The following INTS11 variants were observed in gnomAD, a reference collection of about 807,000 sequenced individuals.
INTS11 encodes the protein CPSF3-like protein.
Under a neutral mutation model 78.6 loss-of-function variants are expected in INTS11, and 77 were observed. The ratio of observed to expected loss-of-function variants is 0.98; its 90% confidence interval spans 0.81 to 1.18. The LOEUF (loss-of-function observed/expected upper bound fraction) is 1.18. Among genes scored for constraint, INTS11 ranks in the 50% most tolerant of loss-of-function variants. The probability of loss-of-function intolerance (pLI) is 0.00; values close to 1 mark genes in which losing one functional copy is unlikely to be tolerated. For missense variants in INTS11, 875 were observed against 825.9 expected (o/e 1.06, Z -0.73); for synonymous variants, 441 against 326.9 (o/e 1.35, Z -3.77).
In INTS11 at chr1:1,323,757, T is replaced by C. The variant is rs551280055; in HGVS notation, c.28+824A>G. ...ATATTTGCGTTTTTTGCTATTTTTT[T>C]CAGTGTTGCAGAAATCAGGTAGAAC... On this transcript the variant is annotated intron_variant, in intron 1 of 16. Transcript: ENST00000435064. Among the ~76,000 whole-genome samples the C allele has an allele frequency of 3.0e-3, 448 of 147,948 alleles. 2 individuals carry two copies. Among genetic ancestry groups the C allele is most frequent in the Non-Finnish European group, 3.7e-3 (246 of 67,222 alleles).
rs772997141 is a variant in INTS11 at position 1,313,633 on chromosome 1, G to T, written c.958-41C>A. The stretch of plus-strand genomic sequence containing the variant: ...GGCCAGGTGGGGGGTCAGGGCAGCA[G>T]ATGCCCCCACCCCCACTGCAGGCCC... On this transcript the variant is annotated intron_variant, in intron 9 of 16. Transcript: ENST00000435064. 10 of 1,611,738 alleles carry T rather than the reference G, an allele frequency of 6.2e-6. No homozygotes were observed. In the South Asian group the frequency reaches 7.7e-5, roughly 12 times the overall value.
Position 1,321,079 on chromosome 1 carries a change from C to A in INTS11, c.43G>T (p.Val15Leu). The A allele has an allele frequency of 2.5e-6, 4 of 1,611,318 alleles. No homozygotes were observed. Among genetic ancestry groups the A allele is most frequent in the Non-Finnish European group, 3.4e-6 (4 of 1,178,760 alleles). The change falls in exon 2 of 17, where the codon GTG becomes TTG. Residue 15 changes from valine to leucine, a missense_variant. Physicochemically the swap from Val to Leu is conservative, Grantham distance 32. Coordinates refer to ENST00000435064, the MANE Select transcript of INTS11 (RefSeq NM_017871.6). Reference sequence around the variant, plus strand: ...GAGACCAGGATGCAGCTTCGGCCCACGTCCTGGCCGGCCCCTACTCGAGGG... The same window carrying A: ...GAGACCAGGATGCAGCTTCGGCCCAAGTCCTGGCCGGCCCCTACTCGAGGG... ...RVTPLGAGQDVGRSCILVSIA... is the reference protein window; with the variant it reads ...RVTPLGAGQDLGRSCILVSIA...
At chr1:1,316,112 T>A in intron 4 of INTS11, 2 of 196,422 alleles carry the variant, frequency 1.0e-5, no homozygotes, top group Non-Finnish European at 2.1e-5. Context: ...TGAAACCCCG[T>A]CTCTACTAAA....
Position 1,319,368 on chromosome 1 carries a change from G to A in INTS11, c.357C>T (p.Asn119=). 6.2e-7 allele frequency: 1 copy of A among 1,613,428 alleles called. No individual in the cohort carries two copies. Residue 119 remains asparagine (N), a synonymous_variant, in exon 4 of 17, where the codon AAC becomes AAT. Coordinates refer to ENST00000435064, the MANE Select transcript of INTS11 (RefSeq NM_017871.6). ...KIAVDKKGEA[N]FFTSQMIKDC... is the part of the protein sequence containing the mutation. Reference sequence around the variant, plus strand: ...CTTTGATCATCTGGGAGGTGAAGAAGTTGGCCTCGCCCTTCTTGTCTACGG... The same window carrying A: ...CTTTGATCATCTGGGAGGTGAAGAAATTGGCCTCGCCCTTCTTGTCTACGG...
intron 15 of INTS11, 27 bp downstream of exon 15, chr1:1,312,199 G>GGGGT: frequency 9.3e-7 from 1 of 1,075,098 alleles, no homozygotes; most frequent in Non-Finnish European, 1.2e-6. Flanking sequence ...CCAAGGGAGT[G>GGGGT]GGGGGGGGGC....
In INTS11 at chr1:1,311,672, C is replaced by T. The variant is rs765171413; in HGVS notation, c.*187G>A. The T allele has an allele frequency of 5.6e-6, 4 of 719,016 alleles. No individual in the cohort carries two copies. Among genetic ancestry groups the T allele is most frequent in the Non-Finnish European group, 9.8e-6 (4 of 409,530 alleles). 44.5% of individuals were successfully genotyped at this position (719,016 alleles called of 1,614,324 possible). On this transcript the variant is annotated 3_prime_UTR_variant, in exon 17 of 17. Transcript: ENST00000435064. The stretch of plus-strand genomic sequence containing the variant: ...CTAACCAGGAATAAAGGCAAGACAG[C>T]CTGGAGACCAGTTTGTTTCTTCAGC...
chr1:1,314,906 G>A lies in INTS11; in HGVS notation c.620C>T (p.Ala207Val). ...GCGCTTGGAGTCACGGATGGTCGTG[G>A]CGTACGTGGACTCTGTGATGAGCAG... ...PNLLITESTY[A>V]TTIRDSKRCR... Residue 207 changes from alanine (A) to valine (V), a missense_variant, in exon 7 of 17, where the codon GCC becomes GTC. By Grantham distance (64) the Ala-to-Val change is moderately conservative (BLOSUM62 0). Coordinates refer to ENST00000435064, the MANE Select transcript of INTS11 (RefSeq NM_017871.6). The surrounding 1 kb of genome is among the most constrained non-coding windows in gnomAD (Gnocchi z 4.2). The A allele has an allele frequency of 6.2e-7, 1 of 1,613,088 alleles. No individual in the cohort carries two copies. The highest frequency in any genetic ancestry group is 8.5e-7 in the Non-Finnish European group (1 of 1,179,944).
At chr1:1,313,266 A>C in intron 10 of INTS11, 142 bp from the exon 11 acceptor site, 1 of 1,024,290 alleles carries the variant, frequency 9.8e-7, no homozygotes, top group African/African-American at 1.6e-5. Context: ...CAGACTCCAA[A>C]GGGCTCAGGT....
chr1:1,314,670 C>T lies in INTS11; in HGVS notation c.702+154G>A, dbSNP rs1570715636. Reference sequence around the variant, plus strand: ...CCTAGGAAAGGGTCTCTGAGTTTTCCTCCTCAATGTTGAGCAAATCTTCTT... The same window carrying T: ...CCTAGGAAAGGGTCTCTGAGTTTTCTTCCTCAATGTTGAGCAAATCTTCTT... On this transcript the variant is annotated intron_variant, in intron 7 of 16. Transcript: ENST00000435064. This position sits in a 1 kb window ranked among gnomAD's most constrained non-coding sequence, Gnocchi z 4.2. The T allele has an allele frequency of 5.1e-6, 5 of 987,646 alleles. No individual in the cohort carries two copies. In the East Asian group the frequency reaches 1.2e-4, roughly 25 times the overall value. The allele number at this position is 987,646 out of a possible 1,614,324, so 61.2% of individuals were successfully genotyped here.
intron 15 of INTS11, 39 bp downstream of exon 15, chr1:1,312,187 G>A (rs1308403336): frequency 4.3e-6 from 6 of 1,407,292 alleles, no homozygotes; most frequent in African/African-American, 1.6e-5. Context: ...GGCCTCCAGG[G>A]CCCAAGGGAG....
Position 1,312,213 on chromosome 1 carries a change from G to GGGGGGGGGGGGGCCCCCCCCCC in INTS11, c.1607+12_1607+13insGGGGGGGGGGCCCCCCCCCCCC. On this transcript the variant is annotated intron_variant, in intron 15 of 16. Transcript: ENST00000435064. Reference sequence around the variant, plus strand: ...CCCAAGGGAGTGGGGGGGGGGCGGGGCCGGGCGCCCACCTCTTGAGGTGGC... The same window carrying GGGGGGGGGGGGGCCCCCCCCCC: ...CCCAAGGGAGTGGGGGGGGGGCGGGGGGGGGGGGGGGGCCCCCCCCCCCCGGGCGCCCACCTCTTGAGGTGGC... The GGGGGGGGGGGGGCCCCCCCCCC allele has an allele frequency of 2.1e-6, 2 of 934,618 alleles. No homozygotes were observed. The highest frequency in any genetic ancestry group is 1.6e-6 in the Non-Finnish European group (1 of 636,666). 57.9% of individuals were successfully genotyped at this position (934,618 alleles called of 1,614,324 possible). A position where few individuals can be genotyped will look rare whatever the true frequency, so the allele number is the denominator to read the frequency against.
At position 1,313,903 on chromosome 1, in the gene INTS11, C is replaced by A; in HGVS notation, c.786G>T (p.Lys262Asn). 1 of 1,612,700 alleles carries A rather than the reference C, an allele frequency of 6.2e-7. No individual in the cohort carries two copies. Among genetic ancestry groups the A allele is most frequent in the Non-Finnish European group, 8.5e-7 (1 of 1,179,680 alleles). ...LETFWERMNLKVPIYFSTGLT... is the reference protein window; with the variant it reads ...LETFWERMNLNVPIYFSTGLT... The stretch of plus-strand genomic sequence containing the variant: ...GCCCCGTGGAGAAGTAGATGGGCAC[C>A]TTCAGGTTCATGCGCTCCCTGGGGA... Residue 262 changes from lysine (K) to asparagine (N), a missense_variant, in exon 9 of 17, where the codon AAG (lysine) becomes AAT (asparagine). Lys to Asn is a moderately conservative substitution (Grantham distance 94). Coordinates refer to ENST00000435064, the MANE Select transcript of INTS11 (RefSeq NM_017871.6).
intron 4 of INTS11, chr1:1,318,722 T>A: frequency 4.3e-6 from 2 of 464,834 alleles, no homozygotes; most frequent in East Asian, 3.4e-5. Context: ...AATCAGAAAA[T>A]TAAATGTTCC....
Position 1,320,629 on chromosome 1 carries a change from T to C in INTS11, c.127-100A>G, listed in dbSNP as rs1321368342. On this transcript the variant is annotated intron_variant, in intron 2 of 16. Transcript: ENST00000435064. ...GGGGCCCCCAGGAAGGGGGGTTCTATGTGCAGACTCAGGCTGGGCACTCCC... is the reference window on the plus strand; with the variant it reads ...GGGGCCCCCAGGAAGGGGGGTTCTACGTGCAGACTCAGGCTGGGCACTCCC... The C allele has an allele frequency of 5.9e-6, 7 of 1,177,340 alleles. No individual in the cohort carries two copies. In the South Asian group the frequency reaches 8.5e-5, roughly 14 times the overall value. 72.9% of individuals were successfully genotyped at this position (1,177,340 alleles called of 1,614,324 possible).
chr1:1,321,892 C>CG, intron 1 of INTS11: 2 of 1,310,608 alleles, frequency 1.5e-6, no homozygotes, highest in Non-Finnish European at 2.0e-6. Flanking sequence ...CAGTTTTCCC[C>CG]TTGAATCCCA....
chr1:1,311,863 C>T lies in INTS11; in HGVS notation c.1799G>A (p.Ser600Asn). Reference protein sequence around the residue: ...LLKKGLPQAPS With the variant: ...LLKKGLPQAPN ...CGGCTGGGTGAGTTGCCGGCCTCAGCTGGGGGCCTGGGGGAGGCCCTTCTT... is the reference window on the plus strand; with the variant it reads ...CGGCTGGGTGAGTTGCCGGCCTCAGTTGGGGGCCTGGGGGAGGCCCTTCTT... Residue 600 changes from serine to asparagine, a missense_variant, in exon 17 of 17, where the codon AGC becomes AAC. Physicochemically the swap from Ser to Asn is conservative, Grantham distance 46 (BLOSUM62 1). Coordinates refer to ENST00000435064, the MANE Select transcript of INTS11 (RefSeq NM_017871.6). 1 of 1,553,126 alleles carries T rather than the reference C, an allele frequency of 6.4e-7. No homozygotes were observed. The highest frequency in any genetic ancestry group is 2.3e-5 in the East Asian group (1 of 44,272).
chr1:1,314,337 C>A lies in INTS11; in HGVS notation c.731G>T (p.Arg244Leu). 6.2e-7 allele frequency: 1 copy of A among 1,607,242 alleles called. No homozygotes were observed. The highest frequency in any genetic ancestry group is 8.5e-7 in the Non-Finnish European group (1 of 1,177,730). ...CAGGAGGATGCAGAGCTCCTGGGCG[C>A]GGCCCAGCGCGAACACAGGTATCAG... ...KVLIPVFALG[R>L]AQELCILLET... Residue 244 changes from arginine to leucine, a missense_variant, in exon 8 of 17, where the codon CGC becomes CTC. Coordinates refer to ENST00000435064, the MANE Select transcript of INTS11 (RefSeq NM_017871.6). This position sits in a 1 kb window ranked among gnomAD's most constrained non-coding sequence, Gnocchi z 4.2.
chr1:1,320,811 A>AG, intron 2 of INTS11, 185 bp downstream of exon 2: 2 of 731,244 alleles, frequency 2.7e-6, no homozygotes, highest in Non-Finnish European at 4.9e-6. Context: ...GCGCCAGCAC[A>AG]GGGGGACCCC....
chr1:1,324,640 C>T lies in INTS11; in HGVS notation c.-32G>A. 6.3e-7 allele frequency: 1 copy of T among 1,598,170 alleles called. No individual in the cohort carries two copies. The highest frequency in any genetic ancestry group is 1.1e-5 in the South Asian group (1 of 89,240). On this transcript the variant is annotated 5_prime_UTR_variant, in exon 1 of 17. Transcript: ENST00000435064. ...CGCCGCGCTCCCGGACCCGCGAGGCCCGCCTGCGGTGATGCACTGCGCAGG... is the reference window on the plus strand; with the variant it reads ...CGCCGCGCTCCCGGACCCGCGAGGCTCGCCTGCGGTGATGCACTGCGCAGG...
Sources: allele counts gnomAD v4.1 joint callset (sites outside exome capture counted in the v4.1 genomes callset), GRCh38; gene constraint gnomAD v4.1.1; non-coding constraint Gnocchi (gnomAD v3.1); transcripts MANE v1.5; gene names NCBI Gene and HGNC (gene_info 2026-07-23, HGNC 2026-07-21).